MFAP3: variants seen among roughly 807,000 people sequenced by gnomAD.
The protein encoded by MFAP3 is microfibril associated protein 3, also known as microfibril-associated glycoprotein 3.
MFAP3 carries 8 observed loss-of-function variants against 20.5 expected under a neutral mutation model. The observed-to-expected ratio is 0.39, with a 90% CI of 0.23 to 0.70. The LOEUF is 0.70. Among genes scored for constraint, MFAP3 ranks in the 30% least tolerant of loss-of-function variants. The pLI, the probability that MFAP3 is intolerant of heterozygous loss-of-function variation, is 0.44. For synonymous variants in MFAP3, 140 were observed against 154.0 expected, an observed-to-expected ratio of 0.91 and a Z score of 0.67; for missense variants, 398 against 444.6, an observed-to-expected ratio of 0.90 and a Z score of 0.94.
At chr5:154,046,053 C>T (rs375500722) in intron 1 of MFAP3, among the ~76,000 whole-genome samples, 12 of 152,130 alleles carry the variant, frequency 7.9e-5, no homozygotes, top group Admixed American at 2.0e-4. Flanking sequence ...GTTTCTTACT[C>T]GTTCTGGGTT....
rs1773290713 is a variant in MFAP3 at position 154,054,850 on chromosome 5, A to G, written c.*1137A>G. The G allele has an allele frequency of 6.0e-6, 1 of 167,062 alleles. No homozygotes were observed. Among genetic ancestry groups the G allele is most frequent in the South Asian group, 2.1e-4 (1 of 4,832 alleles). 10.3% of individuals were successfully genotyped at this position (167,062 alleles called of 1,614,324 possible). ...TATTTTTGTTTACTTCAGATACATA[A>G]TTCTGAGCTATGGCTGCTTTTGTAG... On this transcript the variant is annotated 3_prime_UTR_variant, in exon 3 of 3. Transcript: ENST00000522782.
chr5:154,050,815 T>C (rs1212512850), intron 2 of MFAP3, among the ~76,000 whole-genome samples: 2 of 152,004 alleles, frequency 1.3e-5, no homozygotes, highest in Non-Finnish European at 2.9e-5. Flanking sequence ...AGTGTTCTGT[T>C]ATAAAGATCT....
intron 1 of MFAP3, among the ~76,000 whole-genome samples, chr5:154,041,529 C>T (rs944091784): frequency 4.6e-5 from 7 of 152,212 alleles, no homozygotes; most frequent in African/African-American, 1.4e-4. Flanking sequence ...AAGCAATTAT[C>T]GTACATAGAG....
In MFAP3 at chr5:154,057,110, T is replaced by A. The variant is rs1458101515; in HGVS notation, c.*3397T>A. 6.6e-6 allele frequency among the ~76,000 whole-genome samples: 1 copy of A among 152,154 alleles called. No individual in the cohort carries two copies. The highest frequency in any genetic ancestry group is 1.5e-5 in the Non-Finnish European group (1 of 68,030). On this transcript the variant is annotated 3_prime_UTR_variant, in exon 3 of 3. Transcript: ENST00000522782. ...TGGCACAGGAGCACTGCATGCTTGT[T>A]TTCTAGAGCCCAGCCAGTCATGGGT... is the stretch of plus-strand genomic sequence containing the variant.
In MFAP3 at chr5:154,046,095, C is replaced by T. The variant is rs971040015; in HGVS notation, c.-166-3462C>T. 3.9e-5 allele frequency among the ~76,000 whole-genome samples: 6 copies of T among 152,194 alleles called. No homozygotes were observed. The East Asian group carries it at 7.7e-4, about 20-fold the overall frequency. The stretch of plus-strand genomic sequence containing the variant: ...TGGGAATCCATATTTTTAAAAAGCT[C>T]TCCTGACAGTTGTGATATTCAACCT... On this transcript the variant is annotated intron_variant, in intron 1 of 2. Coordinates refer to ENST00000522782, the MANE Select transcript of MFAP3 (RefSeq NM_005927.5).
chr5:154,053,173 T>C lies in MFAP3; in HGVS notation c.549T>C (p.Ala183=), dbSNP rs2578386. 1,043,698 of 1,613,412 alleles carry C rather than the reference T, an allele frequency of 0.65. 340,479 individuals carry two copies. Among genetic ancestry groups the C allele is most frequent in the East Asian group, 0.87 (39,176 of 44,852 alleles). Reference sequence around the variant, plus strand: ...GCCATCTTCGCAAGACTGAGAAGGCTATCAATGAGTTCTTTAGAACTGAAG... The same window carrying C: ...GCCATCTTCGCAAGACTGAGAAGGCCATCAATGAGTTCTTTAGAACTGAAG... ...MSSHLRKTEK[A]INEFFRTEGA... Residue 183 remains alanine, a synonymous_variant, in exon 3 of 3, where the codon GCT becomes GCC. Coordinates refer to ENST00000522782, the MANE Select transcript of MFAP3 (RefSeq NM_005927.5).
In MFAP3 at chr5:154,049,713, C is replaced by G. The variant is rs768467958; in HGVS notation, c.-10C>G. On this transcript the variant is annotated 5_prime_UTR_variant, in exon 2 of 3. Transcript: ENST00000522782. ...CTCCAAATCTAAACAAGATTTTGTCCCATTTTCCCATGAAGCTACATTGTT... is the reference window on the plus strand; with the variant it reads ...CTCCAAATCTAAACAAGATTTTGTCGCATTTTCCCATGAAGCTACATTGTT... The G allele has an allele frequency of 6.2e-7, 1 of 1,603,586 alleles. No individual in the cohort carries two copies. The highest frequency in any genetic ancestry group is 8.5e-7 in the Non-Finnish European group (1 of 1,173,520).
At chr5:154,043,477 G>A (rs756184379) in intron 1 of MFAP3, among the ~76,000 whole-genome samples, 1 of 150,814 alleles carries the variant, frequency 6.6e-6, no homozygotes, top group African/African-American at 2.4e-5. Context: ...CTTGAACCTG[G>A]GGGGTGGAGG....
At chr5:154,046,976 C>T (rs1464652685) in intron 1 of MFAP3, among the ~76,000 whole-genome samples, 3 of 152,158 alleles carry the variant, frequency 2.0e-5, no homozygotes, top group Non-Finnish European at 4.4e-5. Flanking sequence ...AGTTAGTTCT[C>T]CTCCAGAATC....
chr5:154,053,717 A>C lies in MFAP3; in HGVS notation c.*4A>C, dbSNP rs768524173. On this transcript the variant is annotated 3_prime_UTR_variant, in exon 3 of 3. Transcript: ENST00000522782. The stretch of plus-strand genomic sequence containing the variant: ...ATATGAAAACTGTCAGCTGTAACCT[A>C]CAATGCTGTAACCCAGTACCTACAA... 6.2e-7 allele frequency: 1 copy of C among 1,603,374 alleles called. No individual in the cohort carries two copies. The highest frequency in any genetic ancestry group is 8.5e-7 in the Non-Finnish European group (1 of 1,173,532).
At chr5:154,041,789 C>A (rs1421818168) in intron 1 of MFAP3, among the ~76,000 whole-genome samples, 1 of 151,870 alleles carries the variant, frequency 6.6e-6, no homozygotes, top group East Asian at 1.9e-4. Context: ...TGTGGTATAC[C>A]CAGGTGAGAT....
intron 1 of MFAP3, among the ~76,000 whole-genome samples, chr5:154,042,825 T>C (rs994292041): frequency 1.6e-5 from 2 of 126,722 alleles, no homozygotes; most frequent in East Asian, 6.1e-4. Context: ...CCCAATATAA[T>C]TGGAGTTTAA....
chr5:154,043,052 G>T (rs897118970), intron 1 of MFAP3, among the ~76,000 whole-genome samples: 1 of 152,014 alleles, frequency 6.6e-6, no homozygotes, highest in African/African-American at 2.4e-5. Flanking sequence ...AATCTGTTAG[G>T]GGTGACAGCT....
Position 154,049,591 on chromosome 5 carries a change from G to T in MFAP3, c.-132G>T. 1.1e-6 allele frequency: 1 copy of T among 891,292 alleles called. No individual in the cohort carries two copies. The highest frequency in any genetic ancestry group is 1.7e-6 in the Non-Finnish European group (1 of 598,952). 55.2% of individuals were successfully genotyped at this position (891,292 alleles called of 1,614,324 possible). A position where few individuals can be genotyped will look rare whatever the true frequency, so the allele number is the denominator to read the frequency against. ...TCACATCTTTTAATCTTGAAGACTAGAAAATATAACTGGATCTACCACTTG... is the reference window on the plus strand; with the variant it reads ...TCACATCTTTTAATCTTGAAGACTATAAAATATAACTGGATCTACCACTTG... On this transcript the variant is annotated 5_prime_UTR_variant, in exon 2 of 3. Coordinates refer to ENST00000522782, the MANE Select transcript of MFAP3 (RefSeq NM_005927.5).
Position 154,056,947 on chromosome 5 carries a change from A to C in MFAP3, c.*3234A>C, listed in dbSNP as rs753938749. 2.0e-5 allele frequency among the ~76,000 whole-genome samples: 3 copies of C among 152,236 alleles called. No homozygotes were observed. The highest frequency in any genetic ancestry group is 4.8e-5 in the African/African-American group (2 of 41,468). On this transcript the variant is annotated 3_prime_UTR_variant, in exon 3 of 3. Coordinates refer to ENST00000522782, the MANE Select transcript of MFAP3 (RefSeq NM_005927.5). ...GGCTTCTTTCTTGCCTCACTTAACAAATATTTTAAGGTCAAAGCAATATCT... is the reference window on the plus strand; with the variant it reads ...GGCTTCTTTCTTGCCTCACTTAACACATATTTTAAGGTCAAAGCAATATCT...
At chr5:154,047,305 T>C (rs1278900716) in intron 1 of MFAP3, among the ~76,000 whole-genome samples, 1 of 152,198 alleles carries the variant, frequency 6.6e-6, no homozygotes, top group African/African-American at 2.4e-5. Flanking sequence ...GTGTCCATCA[T>C]CTGCCAGACT....
intron 1 of MFAP3, among the ~76,000 whole-genome samples, chr5:154,043,105 A>G (rs191877417): frequency 4.6e-5 from 7 of 152,332 alleles, no homozygotes; most frequent in Admixed American, 3.3e-4. Context: ...TCAATATTCA[A>G]CATGGTTTTC....
chr5:154,043,863 T>C (rs1773018480), intron 1 of MFAP3, among the ~76,000 whole-genome samples: 1 of 152,080 alleles, frequency 6.6e-6, no homozygotes, highest in Non-Finnish European at 1.5e-5. Context: ...TGAGGCTGTA[T>C]ATGTGAGGAA....
At chr5:154,040,656 A>G (rs931921439) in intron 1 of MFAP3, among the ~76,000 whole-genome samples, 3 of 152,234 alleles carry the variant, frequency 2.0e-5, no homozygotes, top group African/African-American at 7.2e-5. Flanking sequence ...ATAAACCTAT[A>G]TGCACATTAA....
Sources: gnomAD v4.1 joint callset for allele counts (sites outside exome capture counted in the v4.1 genomes callset) on GRCh38, gnomAD v4.1.1 for gene constraint, MANE v1.5 for transcripts, NCBI Gene and HGNC (gene_info 2026-07-23, HGNC 2026-07-21) for gene names.